The following MATR3 variants were observed in gnomAD, a reference collection of about 807,000 sequenced individuals.
MATR3 encodes the protein matrin-3.
Under a neutral mutation model 85.5 loss-of-function variants are expected in MATR3, and 4 were observed. That is an observed-to-expected ratio of 0.05 (90% CI 0.02 to 0.11). The LOEUF (loss-of-function observed/expected upper bound fraction) is 0.11. Ranked by LOEUF, MATR3 falls within the 10% of genes least tolerant of loss-of-function variation. MATR3 has a pLI of 1.00. For missense variants in MATR3, 685 were observed against 1,016.1 expected, an observed-to-expected ratio of 0.67 and a Z score of 4.43; for synonymous variants, 336 against 343.1, an observed-to-expected ratio of 0.98 and a Z score of 0.23.
upstream of MATR3, among the ~76,000 whole-genome samples, chr5:139,292,891 C>G (rs529272755): frequency 4.3e-4 from 65 of 152,134 alleles, no homozygotes; most frequent in South Asian, 1.9e-3. Context: ...TGCAGTGAGC[C>G]GAGATCGCGC....
intron 2 of MATR3, chr5:139,309,903 C>T (rs1310417073): frequency 6.6e-6 from 1 of 152,082 alleles, no homozygotes; most frequent in Non-Finnish European, 1.5e-5. Flanking sequence ...GCAGAAATGT[C>T]AGTATGACCA....
intron 1 of MATR3, among the ~76,000 whole-genome samples, chr5:139,304,067 C>CATAG (rs1754589824): frequency 6.6e-6 from 1 of 152,132 alleles, no homozygotes; most frequent in African/African-American, 2.4e-5. Flanking sequence ...CCTAACCATA[C>CATAG]ATAGGGATGA....
intron 12 of MATR3, chr5:139,325,176 G>A: frequency 7.2e-7 from 1 of 1,387,246 alleles, no homozygotes; most frequent in Middle Eastern, 1.8e-4. Context: ...CTGGTCGACA[G>A]AGCAAGACTC....
intron 1 of MATR3, among the ~76,000 whole-genome samples, chr5:139,305,484 C>T (rs1057040338): frequency 1.3e-5 from 2 of 152,130 alleles, no homozygotes; most frequent in Admixed American, 6.5e-5. Context: ...ATTAATAACC[C>T]TGATACTTCA....
chr5:139,290,151 C>T (rs1459703174), upstream of MATR3, among the ~76,000 whole-genome samples: 1 of 151,992 alleles, frequency 6.6e-6, no homozygotes, highest in Non-Finnish European at 1.5e-5. Flanking sequence ...GGCGCTCAGG[C>T]CTCTTTTTTC....
chr5:139,310,076 TTC>T (rs1404789068), intron 2 of MATR3: 2 of 152,158 alleles, frequency 1.3e-5, no homozygotes, highest in African/African-American at 4.8e-5. Context: ...CGAGAAAAGT[TTC>T]TGTTTTTATG....
chr5:139,316,987 C>A, intron 5 of MATR3, 66 bp from the exon 6 acceptor site: 1 of 1,308,806 alleles, frequency 7.6e-7, no homozygotes, highest in Non-Finnish European at 1.1e-6. Context: ...GCACGTTTTT[C>A]AGTAAAATTG....
At chr5:139,283,274 CAG>C (rs1753597054) in intron 3 of MATR3, 1 of 152,254 alleles carries the variant, frequency 6.6e-6, no homozygotes, top group African/African-American at 2.4e-5. Flanking sequence ...TGTGCTTCAC[CAG>C]AGTGACAATG....
rs902090081 is a variant in MATR3, at chr5:139,325,213, G to A, written c.2149-227G>A. ...GTCTCAAAAAAAAAAAGGCAAAGACGCTATCCGTTTCCCTTCAAGTAAAGC... is the reference window on the plus strand; with the variant it reads ...GTCTCAAAAAAAAAAAGGCAAAGACACTATCCGTTTCCCTTCAAGTAAAGC... On this transcript the variant is annotated intron_variant, in intron 12 of 14. Coordinates refer to ENST00000394805, the MANE Select transcript of MATR3 (RefSeq NM_018834.6). The A allele has an allele frequency of 1.2e-5, 18 of 1,502,536 alleles. No individual in the cohort carries two copies. The Admixed American group carries it at 1.4e-4, about 12-fold the overall frequency. The allele number at this position is 1,502,536 out of a possible 1,614,324, so 93.1% of individuals were successfully genotyped here.
intron 1 of MATR3, among the ~76,000 whole-genome samples, chr5:139,299,434 G>A (rs897106182): frequency 1.3e-5 from 2 of 152,172 alleles, no homozygotes; most frequent in East Asian, 3.8e-4. Context: ...AGCACTTTGG[G>A]AGGCTGAGGG....
intron 9 of MATR3, 57 bp downstream of exon 9, chr5:139,319,558 T>C: frequency 6.7e-7 from 1 of 1,491,028 alleles, no homozygotes; most frequent in Non-Finnish European, 9.3e-7. Context: ...TTAAGATTTT[T>C]CAATATGGAG....
At chr5:139,275,209 G>A (rs562036256) in intron 1 of MATR3, among the ~76,000 whole-genome samples, 2 of 125,710 alleles carry the variant, frequency 1.6e-5, no homozygotes, top group African/African-American at 6.2e-5. Flanking sequence ...GTGTTAGCCA[G>A]TATGGTCTCG....
rs533413172 is a variant in MATR3, at chr5:139,325,065, C to T, written c.2149-375C>T. ...AAAATTAGCCGGGCGTGGTGGCGTG[C>T]GCCTGTAGTCCCAGCTACTCGGGAG... On this transcript the variant is annotated intron_variant, in intron 12 of 14. Coordinates refer to ENST00000394805, the MANE Select transcript of MATR3 (RefSeq NM_018834.6). 6.6e-5 allele frequency among the ~76,000 whole-genome samples: 10 copies of T among 151,984 alleles called. No individual in the cohort carries two copies. In the South Asian group the frequency reaches 1.5e-3, roughly 22 times the overall value.
chr5:139,329,822 GC>G lies in MATR3; in HGVS notation c.*429del, dbSNP rs1399755469. On this transcript the variant is annotated 3_prime_UTR_variant, in exon 15 of 15. Transcript: ENST00000394805. ...TGAAACATTCCATGTTTTAATCTGA[GC>G]CTTGCAGACTTTCATTTGGAGTTTG... 5 of 454,470 alleles carry G rather than the reference GC, an allele frequency of 1.1e-5. No individual in the cohort carries two copies. The highest frequency in any genetic ancestry group is 1.0e-4 in the African/African-American group (5 of 49,998). 28.2% of individuals were successfully genotyped at this position (454,470 alleles called of 1,614,324 possible).
intron 1 of MATR3, among the ~76,000 whole-genome samples, chr5:139,275,513 C>T (rs1050019184): frequency 2.6e-5 from 4 of 152,128 alleles, no homozygotes. Context: ...TCATATTCAC[C>T]ATCTAAGCCT....
At chr5:139,311,586 AT>A (rs1754975356) in intron 2 of MATR3, 1 of 152,004 alleles carries the variant, frequency 6.6e-6, no homozygotes, top group Non-Finnish European at 1.5e-5. Flanking sequence ...ATTGGATATA[AT>A]TTCTGTTCAG....
Position 139,325,647 on chromosome 5 carries a change from C to T in MATR3, c.2356C>T (p.Pro786Ser). ...PDEYRIGPYQ[P>S]NVPVGIDYVI... The stretch of plus-strand genomic sequence containing the variant: ...TGAGTATAGAATTGGACCATATCAG[C>T]CCAATGTTCCTGTTGGTGAGATTTA... The change falls in exon 13 of 15, where the codon CCC becomes TCC. Residue 786 changes from proline (P) to serine (S), a missense_variant. Coordinates refer to ENST00000394805, the MANE Select transcript of MATR3 (RefSeq NM_018834.6). 1 of 1,613,782 alleles carries T rather than the reference C, an allele frequency of 6.2e-7. No individual in the cohort carries two copies. The highest frequency in any genetic ancestry group is 8.5e-7 in the Non-Finnish European group (1 of 1,179,690).
intron 2 of MATR3, chr5:139,310,443 G>A (rs940933410): frequency 3.9e-5 from 6 of 152,082 alleles, no homozygotes; most frequent in African/African-American, 7.2e-5. Context: ...TGTTTTTTAC[G>A]TATATGCATT....
At chr5:139,286,442 G>T (rs969544850) in intron 3 of MATR3, among the ~76,000 whole-genome samples, 1 of 151,844 alleles carries the variant, frequency 6.6e-6, no homozygotes, top group East Asian at 2.0e-4. Context: ...CTCCCAAAGT[G>T]CTATGATTAC....
Sources: allele counts gnomAD v4.1 joint callset (sites outside exome capture counted in the v4.1 genomes callset), GRCh38; gene constraint gnomAD v4.1.1; transcripts MANE v1.5; gene names NCBI Gene and HGNC (gene_info 2026-07-23, HGNC 2026-07-21).